VSTM4: variants seen among roughly 807,000 people sequenced by gnomAD.
VSTM4 encodes the protein V-set and transmembrane domain containing 4.
In VSTM4, 20 loss-of-function variants were observed where a neutral mutation model predicts 36.4. The ratio of observed to expected loss-of-function variants is 0.55; its 90% confidence interval spans 0.39 to 0.80. VSTM4 has a LOEUF of 0.80. Among genes scored for constraint, VSTM4 ranks in the 30% least tolerant of loss-of-function variants. The pLI, the probability that VSTM4 is intolerant of heterozygous loss-of-function variation, is 0.00. For missense variants in VSTM4, 392 were observed against 404.5 expected (o/e 0.97, Z 0.26); for synonymous variants, 182 against 173.9 (o/e 1.05, Z -0.37).
chr10:49,106,378 A>C (rs1337593264), intron 2 of VSTM4, among the ~76,000 whole-genome samples: 1 of 152,196 alleles, frequency 6.6e-6, no homozygotes, highest in Non-Finnish European at 1.5e-5. Context: ...TCAAAGGCAA[A>C]ATTTAGTGCA....
chr10:49,057,805 A>C (rs563116593), intron 5 of VSTM4, among the ~76,000 whole-genome samples: 1 of 152,312 alleles, frequency 6.6e-6, no homozygotes, highest in African/African-American at 2.4e-5. Context: ...GGGAGGGCAC[A>C]AGCATGCATG....
rs139877646 is a variant in VSTM4 at position 49,083,654 on chromosome 10, T to C, written c.526+2301A>G. ...AAGAGAGCACATACTGGGCTACAGATTTCATGTAGAGAGTTAGGTCGGGAG... is the reference window on the plus strand; with the variant it reads ...AAGAGAGCACATACTGGGCTACAGACTTCATGTAGAGAGTTAGGTCGGGAG... On this transcript the variant is annotated intron_variant, in intron 3 of 7. Coordinates refer to ENST00000332853, the MANE Select transcript of VSTM4 (RefSeq NM_001031746.5). Among the ~76,000 whole-genome samples, 94 of 152,356 alleles carry C rather than the reference T, an allele frequency of 6.2e-4. 1 individual carries two copies. The highest frequency in any genetic ancestry group is 2.2e-3 in the African/African-American group (90 of 41,578).
At chr10:49,080,845 A>C (rs932012138) in intron 3 of VSTM4, among the ~76,000 whole-genome samples, 2 of 152,216 alleles carry the variant, frequency 1.3e-5, no homozygotes, top group African/African-American at 4.8e-5. Flanking sequence ...AGAGGTCCAG[A>C]AGCTGATGGA....
At chr10:49,096,622 CGTGTGT>C (rs57143308) in intron 2 of VSTM4, among the ~76,000 whole-genome samples, 6,906 of 122,506 alleles carry the variant, frequency 0.056, 171 homozygotes, top group Middle Eastern at 0.11. Flanking sequence ...CATTGAAGAC[CGTGTGT>C]GTGTGTGTGT....
At chr10:49,032,872 CAGAGAGAG>C (rs137995320) in intron 7 of VSTM4, among the ~76,000 whole-genome samples, 1 of 145,066 alleles carries the variant, frequency 6.9e-6, no homozygotes, top group Admixed American at 6.9e-5. Context: ...GAGAGAAAGA[CAGAGAGAG>C]AGAGAGAGAG....
At chr10:49,105,129 CAGAG>C (rs533413017) in intron 2 of VSTM4, among the ~76,000 whole-genome samples, 6 of 127,008 alleles carry the variant, frequency 4.7e-5, no homozygotes, top group Non-Finnish European at 8.3e-5. Context: ...GATGGAAAGA[CAGAG>C]AGAGACAGAG....
chr10:49,084,166 G>A (rs1590116887), intron 3 of VSTM4, among the ~76,000 whole-genome samples: 1 of 152,318 alleles, frequency 6.6e-6, no homozygotes. Flanking sequence ...TTCACTCTAT[G>A]AGAAGTAAAG....
intron 1 of VSTM4, among the ~76,000 whole-genome samples, chr10:49,110,001 G>C (rs566459012): frequency 6.6e-6 from 1 of 152,334 alleles, no homozygotes; most frequent in Non-Finnish European, 1.5e-5. Flanking sequence ...CCCTGGTGAG[G>C]AATGCAGCAG....
chr10:49,044,406 A>C (rs1843568147), intron 7 of VSTM4, among the ~76,000 whole-genome samples: 2 of 151,180 alleles, frequency 1.3e-5, no homozygotes, highest in African/African-American at 2.4e-5. Flanking sequence ...AGAAAGAAAA[A>C]GAAAGAGAGA....
intron 2 of VSTM4, among the ~76,000 whole-genome samples, chr10:49,093,010 A>G (rs1475870079): frequency 3.3e-5 from 5 of 152,108 alleles, no homozygotes; most frequent in Admixed American, 6.5e-5. Context: ...TACCTCCCCC[A>G]TTGACTGGGA....
chr10:49,033,952 A>G (rs1843386026), intron 7 of VSTM4, among the ~76,000 whole-genome samples: 2 of 146,178 alleles, frequency 1.4e-5, no homozygotes, highest in African/African-American at 5.1e-5. Flanking sequence ...CATTATCACC[A>G]TTACCATTAT....
intron 7 of VSTM4, among the ~76,000 whole-genome samples, chr10:49,042,547 C>G (rs898544213): frequency 2.6e-5 from 4 of 152,220 alleles, no homozygotes; most frequent in Non-Finnish European, 5.9e-5. Flanking sequence ...CTGGTGAAAA[C>G]CTTAGATTTT....
intron 5 of VSTM4, among the ~76,000 whole-genome samples, chr10:49,056,706 G>A (rs1210511348): frequency 1.3e-5 from 2 of 152,202 alleles, no homozygotes; most frequent in African/African-American, 4.8e-5. Context: ...GGCTAGAGCT[G>A]CCCTGAGACC....
intron 7 of VSTM4, among the ~76,000 whole-genome samples, chr10:49,022,251 T>C (rs1024832345): frequency 1.3e-5 from 2 of 152,282 alleles, no homozygotes; most frequent in Admixed American, 6.5e-5. Context: ...ATGTCAGACT[T>C]AGGGTTTTTT....
chr10:49,114,141 C>A (rs2132034448), intron 1 of VSTM4, among the ~76,000 whole-genome samples: 1 of 152,186 alleles, frequency 6.6e-6, no homozygotes, highest in East Asian at 1.9e-4. Flanking sequence ...CATCATTTTT[C>A]CAGCCGAGAC....
intron 2 of VSTM4, chr10:49,103,098 A>C (rs1188512972): frequency 6.6e-6 from 1 of 152,312 alleles, no homozygotes; most frequent in Admixed American, 6.5e-5. Context: ...ATTTGGGTAG[A>C]TCTTTGGACC....
chr10:49,032,451 T>A (rs1264761802), intron 7 of VSTM4, among the ~76,000 whole-genome samples: 1 of 152,198 alleles, frequency 6.6e-6, no homozygotes, highest in African/African-American at 2.4e-5. Context: ...TTTCTGATTT[T>A]CATGTGTGAC....
intron 2 of VSTM4, among the ~76,000 whole-genome samples, chr10:49,098,317 T>C (rs774979231): frequency 4.6e-5 from 7 of 152,232 alleles, no homozygotes; most frequent in Non-Finnish European, 1.0e-4. Flanking sequence ...GCATCTGGCC[T>C]GCTCGTGATG....
chr10:49,113,761 A>C (rs1319946187), intron 1 of VSTM4, among the ~76,000 whole-genome samples: 1 of 152,176 alleles, frequency 6.6e-6, no homozygotes, highest in African/African-American at 2.4e-5. Flanking sequence ...CTTATGTATA[A>C]AATGGGTCTG....
Sources: allele counts gnomAD v4.1 joint callset (sites outside exome capture counted in the v4.1 genomes callset), GRCh38; gene constraint gnomAD v4.1.1; transcripts MANE v1.5; gene names NCBI Gene and HGNC (gene_info 2026-07-23, HGNC 2026-07-21).